ZFYVE16: variants seen among roughly 807,000 people sequenced by gnomAD.
ZFYVE16 encodes zinc finger FYVE-type containing 16.
ZFYVE16 carries 89 observed loss-of-function variants against 138.1 expected under a neutral mutation model. That is an observed-to-expected ratio of 0.64 (90% CI 0.54 to 0.77). The LOEUF (loss-of-function observed/expected upper bound fraction) is 0.77, where lower values mean the gene tolerates loss of function less well. Ranked by LOEUF, ZFYVE16 falls within the 30% of genes least tolerant of loss-of-function variation. ZFYVE16 has a pLI of 0.00. For missense variants in ZFYVE16, 1,793 were observed against 1,786.7 expected (o/e 1.00, Z -0.06); for synonymous variants, 596 against 618.3 (o/e 0.96, Z 0.53).
intron 5 of ZFYVE16, chr5:80,441,586 GAC>G: frequency 1.0e-6 from 1 of 985,112 alleles, no homozygotes; most frequent in Non-Finnish European, 1.2e-6. Context: ...TGGGTTGTGA[GAC>G]ATATGCCATG....
rs1185190118 is a variant in ZFYVE16, at chr5:80,450,587, G to A, written c.3382+1G>A. The A allele has an allele frequency of 6.2e-7, 1 of 1,612,560 alleles. No individual in the cohort carries two copies. The highest frequency in any genetic ancestry group is 8.5e-7 in the Non-Finnish European group (1 of 1,179,426). On this transcript the variant is annotated splice_donor_variant, in intron 10 of 18. Transcript: ENST00000505560. LOFTEE classifies it high-confidence loss of function. ...ACCATATATAAGGATGCTCTAAAAG[G>A]TATGGCATTTTATTTTGAACTGTTC...
chr5:80,414,145 T>TA (rs1408872689), intron 1 of ZFYVE16, among the ~76,000 whole-genome samples: 1 of 152,226 alleles, frequency 6.6e-6, no homozygotes, highest in Non-Finnish European at 1.5e-5. Flanking sequence ...TATATTTCTT[T>TA]ATAAATAAAT....
At chr5:80,433,479 C>G (rs991475393) in intron 2 of ZFYVE16, among the ~76,000 whole-genome samples, 3 of 151,964 alleles carry the variant, frequency 2.0e-5, no homozygotes, top group African/African-American at 7.3e-5. Context: ...GGAGATATAC[C>G]TAATGTAAAT....
At chr5:80,428,749 A>T (rs1037419395) in intron 2 of ZFYVE16, among the ~76,000 whole-genome samples, 2 of 152,260 alleles carry the variant, frequency 1.3e-5, no homozygotes, top group African/African-American at 4.8e-5. Context: ...ACCCATGTAG[A>T]GAAGTCCTTA....
At chr5:80,422,447 G>A (rs6882024) in intron 1 of ZFYVE16, among the ~76,000 whole-genome samples, 4,599 of 152,054 alleles carry the variant, frequency 0.03, 252 homozygotes, top group African/African-American at 0.1. Flanking sequence ...AATGTATATT[G>A]TATTTGTTTT....
intron 9 of ZFYVE16, among the ~76,000 whole-genome samples, chr5:80,450,154 C>T (rs554804636): frequency 3.1e-4 from 47 of 152,118 alleles, no homozygotes; most frequent in Non-Finnish European, 6.5e-4. Context: ...CATAATGTAT[C>T]TGTCAGCTTT....
chr5:80,471,604 C>T (rs1329842081), intron 15 of ZFYVE16, among the ~76,000 whole-genome samples: 1 of 152,136 alleles, frequency 6.6e-6, no homozygotes, highest in African/African-American at 2.4e-5. Context: ...AAGGCGGTGA[C>T]CCCCCGGACC....
chr5:80,447,266 C>CAA (rs56836828), intron 7 of ZFYVE16, among the ~76,000 whole-genome samples: 61 of 69,148 alleles, frequency 8.8e-4, no homozygotes, highest in African/African-American at 2.0e-3. Context: ...GACTCCATCT[C>CAA]AAAAAAAAAA....
intron 5 of ZFYVE16, chr5:80,442,072 GA>G: frequency 2.6e-6 from 1 of 387,334 alleles, no homozygotes; most frequent in Non-Finnish European, 3.5e-6. Context: ...AAAAGTGTAA[GA>G]GTGATAGATA....
Position 80,448,368 on chromosome 5 carries a change from C to T in ZFYVE16, c.3067C>T (p.Pro1023Ser). 1.3e-6 allele frequency: 2 copies of T among 1,568,824 alleles called. No individual in the cohort carries two copies. The highest frequency in any genetic ancestry group is 8.6e-7 in the Non-Finnish European group (1 of 1,159,516). The stretch of plus-strand genomic sequence containing the variant: ...TCTACCTAATGATGAGGACAGTTTG[C>T]CCCCACTTCTGGTTGCATCTGGAGA... ...SLLPNDEDSL[P>S]PLLVASGEKG... The change falls in exon 8 of 19, where the codon CCC becomes TCC. Residue 1023 changes from proline (P) to serine (S), a missense_variant. Coordinates refer to ENST00000505560, the MANE Select transcript of ZFYVE16 (RefSeq NM_001284236.3).
intron 4 of ZFYVE16, 111 bp from the exon 5 acceptor site, chr5:80,439,825 C>T (rs1580227997): frequency 3.1e-6 from 2 of 648,824 alleles, no homozygotes; most frequent in Admixed American, 3.2e-5. Flanking sequence ...ATGATTTATA[C>T]AATAAGGAAA....
chr5:80,439,978 T>C lies in ZFYVE16; in HGVS notation c.2365T>C (p.Tyr789His). The change falls in exon 5 of 19, where the codon TAT becomes CAT. Residue 789 changes from tyrosine (Y) to histidine (H), a missense_variant. Tyr to His is a moderately conservative substitution (Grantham distance 83, BLOSUM62 2). Transcript: ENST00000505560. ...TTGTAATAGGAAGTGTAAACTGCAATATCTAGAAAAGGAAGCAAGAGTATG... is the reference window on the plus strand; with the variant it reads ...TTGTAATAGGAAGTGTAAACTGCAACATCTAGAAAAGGAAGCAAGAGTATG... Reference protein sequence around the residue: ...VCCNRKCKLQYLEKEARVCVV... With the variant: ...VCCNRKCKLQHLEKEARVCVV... 3 of 1,611,434 alleles carry C rather than the reference T, an allele frequency of 1.9e-6. No homozygotes were observed. The highest frequency in any genetic ancestry group is 2.5e-6 in the Non-Finnish European group (3 of 1,178,664).
intron 15 of ZFYVE16, among the ~76,000 whole-genome samples, chr5:80,469,856 G>T (rs1192431650): frequency 1.3e-5 from 2 of 150,716 alleles, no homozygotes; most frequent in Non-Finnish European, 3.0e-5. Flanking sequence ...TCTCCTTTGG[G>T]CTTTCAGTTT....
intron 7 of ZFYVE16, among the ~76,000 whole-genome samples, chr5:80,447,753 T>C (rs1751542114): frequency 1.3e-5 from 2 of 152,194 alleles, no homozygotes; most frequent in African/African-American, 2.4e-5. Context: ...TCTTCTTGCC[T>C]CATTTTTTCC....
Position 80,459,488 on chromosome 5 carries a change from G to C in ZFYVE16, c.4018G>C (p.Val1340Leu). 2 of 1,607,580 alleles carry C rather than the reference G, an allele frequency of 1.2e-6. No individual in the cohort carries two copies. Among genetic ancestry groups the C allele is most frequent in the Non-Finnish European group, 1.7e-6 (2 of 1,176,976 alleles). ...SSGFLAKSSI[V>L]EDGLMVQITP... is the part of the protein sequence containing the mutation. ...AGGATTTCTTGCTAAGTCCAGCATA[G>C]TTGAAGGTATGAATTTCATTTTTAA... The change falls in exon 15 of 19, where the codon GTT (valine) becomes CTT (leucine). Residue 1340 changes from valine (V) to leucine (L), a missense_variant. By Grantham distance (32) the Val-to-Leu change is conservative. Coordinates refer to ENST00000505560, the MANE Select transcript of ZFYVE16 (RefSeq NM_001284236.3).
At chr5:80,422,851 C>A (rs951645697) in intron 1 of ZFYVE16, among the ~76,000 whole-genome samples, 2 of 152,168 alleles carry the variant, frequency 1.3e-5, no homozygotes, top group African/African-American at 2.4e-5. Flanking sequence ...AAATGTTGAA[C>A]CAGCCTTGCA....
chr5:80,433,600 T>TA (rs947843167), intron 2 of ZFYVE16, among the ~76,000 whole-genome samples: 11 of 150,706 alleles, frequency 7.3e-5, no homozygotes, highest in South Asian at 6.3e-4. Context: ...AAAAAGTATA[T>TA]AAAAAAAACT....
intron 14 of ZFYVE16, among the ~76,000 whole-genome samples, chr5:80,459,071 G>A (rs1490539311): frequency 6.6e-6 from 1 of 152,116 alleles, no homozygotes; most frequent in Non-Finnish European, 1.5e-5. Context: ...AGGATTATAG[G>A]CGCCTGCCAC....
At chr5:80,441,642 A>G (rs944029787) in intron 5 of ZFYVE16, 23 of 984,180 alleles carry the variant, frequency 2.3e-5, no homozygotes, top group Non-Finnish European at 2.7e-5. Context: ...ATTGTAGATA[A>G]TGAGAAAGCT....
Sources: allele counts gnomAD v4.1 joint callset (sites outside exome capture counted in the v4.1 genomes callset), GRCh38; gene constraint gnomAD v4.1.1; transcripts MANE v1.5; gene names NCBI Gene and HGNC (gene_info 2026-07-23, HGNC 2026-07-21).